Variants in PDC observed in about 807,000 individuals in gnomAD.
The protein encoded by PDC is 33 kDa phototransducing protein.
PDC carries 19 observed loss-of-function variants against 22.2 expected under a neutral mutation model. The observed-to-expected ratio is 0.86, with a 90% CI of 0.60 to 1.26. The LOEUF is 1.26. Among genes scored for constraint, PDC ranks in the 50% most tolerant of loss-of-function variants. The probability of loss-of-function intolerance (pLI) is 0.00; values close to 1 mark genes in which losing one functional copy is unlikely to be tolerated. For synonymous variants in PDC, 97 were observed against 96.2 expected (o/e 1.01, Z -0.05); for missense variants, 274 against 286.8 (o/e 0.96, Z 0.32).
chr1:186,457,922 A>C (rs2102139545), intron 1 of PDC, among the ~76,000 whole-genome samples: 1 of 152,308 alleles, frequency 6.6e-6, no homozygotes, highest in East Asian at 1.9e-4. Context: ...TTGATAGAAA[A>C]ACTATGATAG....
chr1:186,459,570 A>G (rs1662537931), intron 1 of PDC, among the ~76,000 whole-genome samples: 1 of 152,016 alleles, frequency 6.6e-6, no homozygotes, highest in South Asian at 2.1e-4. Flanking sequence ...ATTCCATTAC[A>G]GACATTATTA....
At chr1:186,445,586 A>G (rs769001171) in intron 3 of PDC, among the ~76,000 whole-genome samples, 3 of 152,246 alleles carry the variant, frequency 2.0e-5, no homozygotes, top group Non-Finnish European at 4.4e-5. Context: ...TGGCAGGCCA[A>G]GGAAGGTGGA....
chr1:186,456,903 T>G (rs1256677159), intron 1 of PDC, among the ~76,000 whole-genome samples: 1 of 152,236 alleles, frequency 6.6e-6, no homozygotes, highest in East Asian at 1.9e-4. Context: ...TGCTTTGAGA[T>G]GGCTAAAACT....
chr1:186,456,012 T>A (rs1268778325), intron 1 of PDC, among the ~76,000 whole-genome samples: 10 of 123,472 alleles, frequency 8.1e-5, no homozygotes, highest in African/African-American at 2.2e-4. Context: ...TATATATATA[T>A]ATATATATAT....
At position 186,459,759 on chromosome 1, in the gene PDC, T is replaced by TATATATATATATAC. The variant is rs1262275306; in HGVS notation, c.-25+1299_-25+1300insGTATATATATATAT. Among the ~76,000 whole-genome samples the TATATATATATATAC allele has an allele frequency of 8.2e-5, 5 of 61,216 alleles. No individual in the cohort carries two copies. The Admixed American group carries it at 9.5e-4, about 12-fold the overall frequency. The allele number at this position is 61,216 out of a possible 152,430, so 40.2% of individuals were successfully genotyped here. ...GACAATATGTGTGTGTGTGTATATATATATATATATATATATATATATTTA... is the reference window on the plus strand; with the variant it reads ...GACAATATGTGTGTGTGTGTATATATATATATATATATACATATATATATATATATATATATTTA... On this transcript the variant is annotated intron_variant, in intron 1 of 3. Transcript: ENST00000391997.
chr1:186,445,174 AC>A (rs1558122663), intron 3 of PDC, among the ~76,000 whole-genome samples: 1 of 152,096 alleles, frequency 6.6e-6, no homozygotes, highest in Non-Finnish European at 1.5e-5. Flanking sequence ...TATTCCCCCA[AC>A]CAAAAAAGAA....
At chr1:186,448,613 A>G in intron 2 of PDC, 1 of 715,776 alleles carries the variant, frequency 1.4e-6, no homozygotes, top group Non-Finnish European at 1.7e-6. Flanking sequence ...CCTTTTTATA[A>G]ATGAATTTAC....
chr1:186,451,430 A>C (rs1042403216), intron 1 of PDC, among the ~76,000 whole-genome samples: 1 of 152,218 alleles, frequency 6.6e-6, no homozygotes, highest in African/African-American at 2.4e-5. Flanking sequence ...AAAGACATGA[A>C]AATTTTTACT....
At chr1:186,453,894 C>T (rs191019026) in intron 1 of PDC, among the ~76,000 whole-genome samples, 1 of 152,298 alleles carries the variant, frequency 6.6e-6, no homozygotes, top group East Asian at 1.9e-4. Flanking sequence ...TTTCAAATCT[C>T]TGACTCTCAA....
chr1:186,448,623 C>G (rs999942395), intron 2 of PDC: 4 of 818,672 alleles, frequency 4.9e-6, no homozygotes, highest in Middle Eastern at 6.2e-4. Flanking sequence ...AATGAATTTA[C>G]CAACCTTTTC....
intron 2 of PDC, among the ~76,000 whole-genome samples, chr1:186,447,187 T>G (rs1345080912): frequency 6.6e-6 from 1 of 152,088 alleles, no homozygotes; most frequent in Non-Finnish European, 1.5e-5. Flanking sequence ...CTTGCTCTGT[T>G]GCCCAGGCTG....
At position 186,444,006 on chromosome 1, in the gene PDC, G is replaced by T; in HGVS notation, c.714C>A (p.Thr238=). ...PEREVHVLEH[T]KIEEEDVE is the part of the protein sequence containing the mutation. Reference sequence around the variant, plus strand: ...ATTCAACATCTTCTTCTTCTATTTTGGTATGCTCTAGGACATGTACCTCTC... The same window carrying T: ...ATTCAACATCTTCTTCTTCTATTTTTGTATGCTCTAGGACATGTACCTCTC... Residue 238 remains threonine, a synonymous_variant, in exon 4 of 4, where the codon ACC becomes ACA. Transcript: ENST00000391997. 4 of 1,607,444 alleles carry T rather than the reference G, an allele frequency of 2.5e-6. No homozygotes were observed. The highest frequency in any genetic ancestry group is 1.1e-5 in the South Asian group (1 of 90,426).
intron 2 of PDC, chr1:186,448,599 C>T: frequency 1.8e-6 from 1 of 550,348 alleles, no homozygotes; most frequent in Non-Finnish European, 2.3e-6. Flanking sequence ...ATCCATCCTT[C>T]CTTCCTTTTT....
chr1:186,457,876 C>T (rs1355334248), intron 1 of PDC, among the ~76,000 whole-genome samples: 2 of 152,068 alleles, frequency 1.3e-5, no homozygotes, highest in African/African-American at 4.8e-5. Flanking sequence ...CTGACTTCCC[C>T]CCACTCCCAG....
chr1:186,455,797 T>TAAAAAAAAAAA (rs71104862), intron 1 of PDC, among the ~76,000 whole-genome samples: 6 of 39,362 alleles, frequency 1.5e-4, no homozygotes, highest in East Asian at 1.0e-3. Flanking sequence ...CCGTCTCTAC[T>TAAAAAAAAAAA]AAAAAAAAAA....
chr1:186,448,786 TA>T (rs1662288972), intron 2 of PDC: 1 of 240,402 alleles, frequency 4.2e-6, no homozygotes, highest in Non-Finnish European at 6.7e-6. Context: ...CAATCCAAAT[TA>T]AAAGAGAGAG....
rs1437203300 is a variant in PDC at position 186,455,835 on chromosome 1, G to A, written c.-25+5224C>T. On this transcript the variant is annotated intron_variant, in intron 1 of 3. Transcript: ENST00000391997. ...AAAAAAAAAAAAATTAGCCGGGCGT[G>A]GTGGCGGGTGCCTGTAGTTCCAGCT... is the stretch of plus-strand genomic sequence containing the variant. Among the ~76,000 whole-genome samples, 21 of 132,108 alleles carry A rather than the reference G, an allele frequency of 1.6e-4. No homozygotes were observed. In the East Asian group the frequency reaches 4.0e-3, roughly 25 times the overall value. 86.7% of individuals were successfully genotyped at this position (132,108 alleles called of 152,430 possible).
intron 1 of PDC, among the ~76,000 whole-genome samples, chr1:186,454,350 T>C (rs1314252515): frequency 6.6e-6 from 1 of 151,994 alleles, no homozygotes; most frequent in Non-Finnish European, 1.5e-5. Flanking sequence ...AGCTAATTTT[T>C]GTATTTTTAG....
chr1:186,450,843 A>G (rs1214826646), intron 1 of PDC, among the ~76,000 whole-genome samples: 2 of 152,130 alleles, frequency 1.3e-5, no homozygotes, highest in African/African-American at 4.8e-5. Context: ...AGGGGTCCAT[A>G]TAGTTGTGAT....
Sources: allele counts gnomAD v4.1 joint callset (sites outside exome capture counted in the v4.1 genomes callset), GRCh38; gene constraint gnomAD v4.1.1; transcripts MANE v1.5; gene names NCBI Gene and HGNC (gene_info 2026-07-23, HGNC 2026-07-21).